The following MOGAT2 variants were observed in gnomAD, a reference collection of about 807,000 sequenced individuals.
MOGAT2 encodes 2-acylglycerol O-acyltransferase 2.
A neutral mutation model predicts 31.5 loss-of-function variants in MOGAT2; 27 were observed. The ratio of observed to expected loss-of-function variants is 0.86; its 90% CI spans 0.63 to 1.18. The LOEUF (loss-of-function observed/expected upper bound fraction) is 1.18, where lower values mean the gene tolerates loss of function less well. MOGAT2 is among the 50% of genes most tolerant of loss of function. The probability of loss-of-function intolerance (pLI) is 0.00; values close to 1 mark genes in which losing one functional copy is unlikely to be tolerated. For missense variants in MOGAT2, 436 were observed against 433.2 expected, an observed-to-expected ratio of 1.01 and a Z score of -0.06; for synonymous variants, 163 against 170.0, an observed-to-expected ratio of 0.96 and a Z score of 0.32.
rs1006160202 is a variant in MOGAT2, at chr11:75,724,347, A to G, written c.271-3088A>G. Among the ~76,000 whole-genome samples the G allele has an allele frequency of 2.0e-5, 3 of 152,272 alleles. No homozygotes were observed. In the South Asian group the frequency reaches 6.2e-4, roughly 32 times the overall value. On this transcript the variant is annotated intron_variant, in intron 2 of 5. Coordinates refer to ENST00000198801, the MANE Select transcript of MOGAT2 (RefSeq NM_025098.4). ...AATCTTCACAGGGATGTTGTGATAG[A>G]TTTGGGTCCAGGGGACAGATGGAAG...
In MOGAT2 at chr11:75,720,032, A is replaced by G; in HGVS notation, c.132A>G (p.Thr44=). 6.2e-7 allele frequency: 1 copy of G among 1,614,144 alleles called. No individual in the cohort carries two copies. Among genetic ancestry groups the G allele is most frequent in the South Asian group, 1.1e-5 (1 of 91,080 alleles). The part of the protein sequence containing the change: ...CTVGFIALLF[T]RFWLLTVLYA... ...TGGGCTTCATAGCCCTCCTGTTTAC[A>G]AGATTCTGGCTCCTCACTGTCCTGT... The change falls in exon 2 of 6, where the codon ACA becomes ACG. Residue 44 remains threonine (T), a synonymous_variant. Transcript: ENST00000198801.
At chr11:75,729,740 C>CTT (rs543037592) in intron 5 of MOGAT2, among the ~76,000 whole-genome samples, 2,819 of 121,230 alleles carry the variant, frequency 0.023, 184 homozygotes, top group African/African-American at 0.037. Flanking sequence ...GGGTTTAATT[C>CTT]TTTTTTTTTT....
chr11:75,724,796 T>C (rs1412473516), intron 2 of MOGAT2, among the ~76,000 whole-genome samples: 8 of 152,236 alleles, frequency 5.3e-5, no homozygotes, highest in Non-Finnish European at 1.2e-4. Flanking sequence ...ATAAAGCAAA[T>C]GTGTTTTTCC....
Position 75,731,233 on chromosome 11 carries a change from GC to G in MOGAT2, c.955del (p.His319ThrfsTer25). 6.2e-7 allele frequency: 1 copy of G among 1,614,142 alleles called. No homozygotes were observed. Among genetic ancestry groups the G allele is most frequent in the Non-Finnish European group, 8.5e-7 (1 of 1,180,038 alleles). On this transcript the variant is annotated frameshift_variant, in exon 6 of 6. Transcript: ENST00000198801. LOFTEE classifies it high-confidence loss of function. ...YIKELCNLFE[A>X]HKLKFNIPAD... ...CAAAGAGCTGTGCAACCTCTTCGAG[GC>G]CCACAAACTTAAGTTCAACATCCCT...
chr11:75,721,542 C>T (rs752734640), intron 2 of MOGAT2, among the ~76,000 whole-genome samples: 47 of 152,164 alleles, frequency 3.1e-4, no homozygotes, highest in Non-Finnish European at 5.7e-4. Context: ...CTTAGCCTCC[C>T]AAAGTGCTGG....
chr11:75,720,085 A>T lies in MOGAT2; in HGVS notation c.185A>T (p.Asp62Val). ...GCGGCCTGGTGGTATCTGGACCGAGACAAGCCACGGCAGGGGGGCCGGCAC... is the reference window on the plus strand; with the variant it reads ...GCGGCCTGGTGGTATCTGGACCGAGTCAAGCCACGGCAGGGGGGCCGGCAC... ...LYAAWWYLDR[D>V]KPRQGGRHIQ... The change falls in exon 2 of 6, where the codon GAC becomes GTC. Residue 62 changes from aspartate (D) to valine (V), a missense_variant. Transcript: ENST00000198801. The T allele has an allele frequency of 6.2e-7, 1 of 1,614,130 alleles. No individual in the cohort carries two copies. The highest frequency in any genetic ancestry group is 1.1e-5 in the South Asian group (1 of 91,078).
intron 2 of MOGAT2, among the ~76,000 whole-genome samples, chr11:75,721,546 G>A (rs1446533323): frequency 1.3e-5 from 2 of 152,192 alleles, no homozygotes; most frequent in East Asian, 1.9e-4. Context: ...GCCTCCCAAA[G>A]TGCTGGGATT....
rs12284314 is a variant in MOGAT2, at chr11:75,727,879, G to C, written c.476-91G>C. ...GGGGGAAAAACCCCAGGCCTCAGTA[G>C]GCATTGCTGGTGATCTCTTTATGGG... On this transcript the variant is annotated intron_variant, in intron 3 of 5. Transcript: ENST00000198801. 0.015 allele frequency: 19,659 copies of C among 1,340,088 alleles called. 1,904 individuals are homozygous for C. The African/African-American group carries it at 0.23, about 16-fold the overall frequency. The allele number at this position is 1,340,088 out of a possible 1,614,324, so 83.0% of individuals were successfully genotyped here.
chr11:75,722,099 G>A (rs1219539), intron 2 of MOGAT2, among the ~76,000 whole-genome samples: 72,961 of 152,028 alleles, frequency 0.48, 17,910 homozygotes, highest in Middle Eastern at 0.53. Flanking sequence ...GGGGGGCTCA[G>A]GATGGGGGCA....
chr11:75,719,824 T>C, intron 1 of MOGAT2, 168 bp from the exon 2 acceptor site: 1 of 653,864 alleles, frequency 1.5e-6, no homozygotes, highest in South Asian at 2.1e-5. Flanking sequence ...TCTCAGGGAC[T>C]TTGTCTCCTC....
Position 75,718,295 on chromosome 11 carries a change from G to A in MOGAT2, c.91+316G>A, listed in dbSNP as rs80173128. ...AAGTGGTGTGGGAAAGCCTCTGGGC[G>A]ATGACGGGAAAGTTCTGGGCTCTGC... On this transcript the variant is annotated intron_variant, in intron 1 of 5. Coordinates refer to ENST00000198801, the MANE Select transcript of MOGAT2 (RefSeq NM_025098.4). Among the ~76,000 whole-genome samples the A allele has an allele frequency of 9.1e-3, 1,390 of 152,286 alleles. 18 individuals carry two copies. The highest frequency in any genetic ancestry group is 0.029 in the African/African-American group (1,217 of 41,548).
chr11:75,725,649 G>C (rs1053740677), intron 2 of MOGAT2, among the ~76,000 whole-genome samples: 6 of 152,214 alleles, frequency 3.9e-5, no homozygotes, highest in African/African-American at 1.4e-4. Context: ...GGGCAGACAG[G>C]CTCCAGGCCT....
intron 2 of MOGAT2, among the ~76,000 whole-genome samples, chr11:75,726,869 T>G (rs1381439980): frequency 1.3e-5 from 2 of 152,080 alleles, no homozygotes; most frequent in African/African-American, 4.8e-5. Flanking sequence ...CAGCTAATTT[T>G]TGTATTTTTA....
chr11:75,728,765 C>G (rs766943418), intron 4 of MOGAT2, 25 bp from the exon 5 acceptor site: 2 of 1,605,702 alleles, frequency 1.2e-6, no homozygotes, highest in Non-Finnish European at 8.5e-7. Context: ...CTCCCACATG[C>G]CCTCTTTCCT....
At chr11:75,728,416 A>T in intron 4 of MOGAT2, 1 of 594,712 alleles carries the variant, frequency 1.7e-6, no homozygotes. Flanking sequence ...GAAGAGTGAT[A>T]TTTGGGGTAC....
At chr11:75,728,619 G>A (rs1454715390) in intron 4 of MOGAT2, 171 bp from the exon 5 acceptor site, 1 of 627,500 alleles carries the variant, frequency 1.6e-6, no homozygotes, top group East Asian at 2.7e-5. Flanking sequence ...CAAGGTCAGA[G>A]AATGGGGCTG....
intron 2 of MOGAT2, among the ~76,000 whole-genome samples, chr11:75,722,916 A>C (rs1015465477): frequency 1.3e-5 from 2 of 152,098 alleles, no homozygotes; most frequent in Non-Finnish European, 2.9e-5. Context: ...ACAGGCCTCG[A>C]TTTGCAGAAA....
chr11:75,726,001 A>C (rs571781286), intron 2 of MOGAT2, among the ~76,000 whole-genome samples: 27 of 152,308 alleles, frequency 1.8e-4, no homozygotes, highest in Non-Finnish European at 2.8e-4. Context: ...GTCTTTGTAG[A>C]TTCAGCTGCT....
At position 75,731,749 on chromosome 11, in the gene MOGAT2, G is replaced by T. The variant is rs1328852310; in HGVS notation, c.*463G>T. 1 of 153,760 alleles carries T rather than the reference G, an allele frequency of 6.5e-6. No homozygotes were observed. The highest frequency in any genetic ancestry group is 2.4e-5 in the African/African-American group (1 of 41,412). The allele number at this position is 153,760 out of a possible 1,614,324, so 9.5% of individuals were successfully genotyped here. ...AGCAGCAATGTCATATTACAAAAGGGTGTGGACACATGCAGGGATTCTTAC... is the reference window on the plus strand; with the variant it reads ...AGCAGCAATGTCATATTACAAAAGGTTGTGGACACATGCAGGGATTCTTAC... On this transcript the variant is annotated 3_prime_UTR_variant, in exon 6 of 6. Transcript: ENST00000198801.
Sources: gnomAD v4.1 joint callset for allele counts (sites outside exome capture counted in the v4.1 genomes callset) on GRCh38, gnomAD v4.1.1 for gene constraint, MANE v1.5 for transcripts, NCBI Gene and HGNC (gene_info 2026-07-23, HGNC 2026-07-21) for gene names.